The following PCDHGB5 variants were observed in gnomAD, a reference collection of about 807,000 sequenced individuals.
PCDHGB5 encodes the protein protocadherin gamma subfamily B, 5.
Under a neutral mutation model 62.9 loss-of-function variants are expected in PCDHGB5, and 48 were observed. That is an observed-to-expected ratio of 0.76 (90% confidence interval 0.61 to 0.97). The LOEUF (loss-of-function observed/expected upper bound fraction) is 0.97, where lower values mean the gene tolerates loss of function less well. Ranked by LOEUF, PCDHGB5 falls within the 50% of genes least tolerant of loss-of-function variation. The pLI is 0.00. For synonymous variants in PCDHGB5, 474 were observed against 511.2 expected, an observed-to-expected ratio of 0.93 and a Z score of 0.98; for missense variants, 1,118 against 1,198.6, an observed-to-expected ratio of 0.93 and a Z score of 0.99.
chr5:141,478,521 G>A, intron 1 of PCDHGB5: 1 of 1,610,618 alleles, frequency 6.2e-7, no homozygotes, highest in Non-Finnish European at 8.5e-7. Context: ...CAGGTGTTGG[G>A]TGCAGAGAGC....
chr5:141,405,901 G>A (rs954255473), intron 1 of PCDHGB5, among the ~76,000 whole-genome samples: 1 of 152,092 alleles, frequency 6.6e-6, no homozygotes, highest in Non-Finnish European at 1.5e-5. Context: ...ACTGAAAGGA[G>A]GCATTTATTA....
At chr5:141,483,186 A>G (rs2099578047) in intron 1 of PCDHGB5, among the ~76,000 whole-genome samples, 1 of 152,174 alleles carries the variant, frequency 6.6e-6, no homozygotes, top group Non-Finnish European at 1.5e-5. Flanking sequence ...CAAGCCAAGG[A>G]GTTTTTATTT....
chr5:141,413,785 C>T (rs771027783), intron 1 of PCDHGB5: 1 of 1,613,186 alleles, frequency 6.2e-7, no homozygotes, highest in Non-Finnish European at 8.5e-7. Flanking sequence ...GGAGCACTCC[C>T]TAGATCGCGA....
rs1304936728 is a variant in PCDHGB5, at chr5:141,399,830, C to G, written c.1703C>G (p.Ser568Cys). The G allele has an allele frequency of 6.2e-7, 1 of 1,613,192 alleles. No individual in the cohort carries two copies. ...TACCCCGCGCTGGGTCCCGACGGCT[C>G]TGCGCTCTTCGATATGGTGCCGCGC... ...VLYPALGPDG[S>C]ALFDMVPRAA... The change falls in exon 1 of 4, where the codon TCT becomes TGT. Residue 568 changes from serine to cysteine, a missense_variant. Physicochemically the swap from Ser to Cys is moderately radical, Grantham distance 112. Coordinates refer to ENST00000617380, the MANE Select transcript of PCDHGB5 (RefSeq NM_018925.3).
Position 141,421,742 on chromosome 5 carries a change from A to G in PCDHGB5, c.2397+21218A>G, listed in dbSNP as rs772984365. The stretch of plus-strand genomic sequence containing the variant: ...GGCGTGAACTCCCTCCAGAGCTACC[A>G]GCTCAGCCCTAATAATTACTTTTCC... On this transcript the variant is annotated intron_variant, in intron 1 of 3. Transcript: ENST00000617380. The G allele has an allele frequency of 4.3e-6, 7 of 1,613,826 alleles. No individual in the cohort carries two copies. The East Asian group carries it at 1.3e-4, about 31-fold the overall frequency.
intron 1 of PCDHGB5, chr5:141,440,405 CCACTG>C (rs2098176019): frequency 6.6e-6 from 1 of 152,126 alleles, no homozygotes; most frequent in South Asian, 2.1e-4. Flanking sequence ...GGCAATCGCA[CCACTG>C]CACTCCAGCC....
chr5:141,435,591 T>G (rs1197622032), intron 1 of PCDHGB5, among the ~76,000 whole-genome samples: 1 of 152,206 alleles, frequency 6.6e-6, no homozygotes, highest in Admixed American at 6.5e-5. Flanking sequence ...TGCAGTAATA[T>G]CGCCTGCTTT....
chr5:141,433,671 A>G (rs1376085577), intron 1 of PCDHGB5, among the ~76,000 whole-genome samples: 12 of 152,058 alleles, frequency 7.9e-5, no homozygotes, highest in Admixed American at 7.2e-4. Flanking sequence ...CCCCGTCTAT[A>G]CTAAAAAAAT....
chr5:141,402,897 C>T (rs1177256058), intron 1 of PCDHGB5: 6 of 1,508,528 alleles, frequency 4.0e-6, no homozygotes, highest in Admixed American at 4.7e-5. Flanking sequence ...AAGAAAGAAC[C>T]TGATGAAGCA....
intron 1 of PCDHGB5, among the ~76,000 whole-genome samples, chr5:141,407,652 A>G (rs2094964200): frequency 6.6e-6 from 1 of 152,020 alleles, no homozygotes; most frequent in Non-Finnish European, 1.5e-5. Flanking sequence ...ATAATGGGGG[A>G]GCGCAGTATA....
intron 1 of PCDHGB5, among the ~76,000 whole-genome samples, chr5:141,481,789 T>TAAAAATAC (rs972511310): frequency 3.3e-5 from 5 of 151,186 alleles, no homozygotes; most frequent in African/African-American, 1.2e-4. Flanking sequence ...CCGTCTCTAC[T>TAAAAATAC]AAAAATACAA....
At position 141,485,326 on chromosome 5, in the gene PCDHGB5, T is replaced by C. The variant is rs2154580391; in HGVS notation, c.2398-9481T>C. On this transcript the variant is annotated intron_variant, in intron 1 of 3. Coordinates refer to ENST00000617380, the MANE Select transcript of PCDHGB5 (RefSeq NM_018925.3). This position sits in a 1 kb window ranked among gnomAD's most constrained non-coding sequence, Gnocchi z 5.7. ...CTTTTGTAGGGAATGTCGCTCAAGATTTCCTGCTGGATACGGACAGTCTGT... is the reference window on the plus strand; with the variant it reads ...CTTTTGTAGGGAATGTCGCTCAAGACTTCCTGCTGGATACGGACAGTCTGT... 1 of 1,614,106 alleles carries C rather than the reference T, an allele frequency of 6.2e-7. No homozygotes were observed. The highest frequency in any genetic ancestry group is 1.7e-5 in the Admixed American group (1 of 60,028).
Position 141,476,702 on chromosome 5 carries a change from C to CTGG in PCDHGB5, c.2398-18102_2398-18100dup, listed in dbSNP as rs1562056101. On this transcript the variant is annotated intron_variant, in intron 1 of 3. Coordinates refer to ENST00000617380, the MANE Select transcript of PCDHGB5 (RefSeq NM_018925.3). This position sits in a 1 kb window ranked among gnomAD's most constrained non-coding sequence, Gnocchi z 7.6. ...GGAGGACAGCACCAAGTACGCGGAG[C>CTGG]TGGTGTTGGAGCGCGCCCTGGACCG... 5 of 1,614,222 alleles carry CTGG rather than the reference C, an allele frequency of 3.1e-6. No homozygotes were observed. The highest frequency in any genetic ancestry group is 4.2e-6 in the Non-Finnish European group (5 of 1,180,042).
At chr5:141,484,958 G>T in intron 1 of PCDHGB5, 1 of 575,874 alleles carries the variant, frequency 1.7e-6, no homozygotes. Flanking sequence ...TATTGGCTGA[G>T]CCCGGGAGCC....
chr5:141,449,300 T>C (rs2098635283), intron 1 of PCDHGB5, among the ~76,000 whole-genome samples: 1 of 152,090 alleles, frequency 6.6e-6, no homozygotes, highest in Non-Finnish European at 1.5e-5. Flanking sequence ...GGGTGAATTA[T>C]ATGTATTATA....
intron 1 of PCDHGB5, chr5:141,421,455 C>G (rs762490406): frequency 6.2e-6 from 10 of 1,614,108 alleles, no homozygotes; most frequent in South Asian, 1.1e-5. Flanking sequence ...CACAGCTTTT[C>G]GCTGTGAATC....
chr5:141,430,583 C>A, intron 1 of PCDHGB5: 1 of 490,378 alleles, frequency 2.0e-6, no homozygotes, highest in Non-Finnish European at 3.4e-6. Flanking sequence ...AGATCCTGCT[C>A]GCCTTGCACG....
intron 1 of PCDHGB5, among the ~76,000 whole-genome samples, chr5:141,471,913 G>A (rs1307168228): frequency 6.6e-6 from 1 of 152,164 alleles, no homozygotes. Context: ...CAAGCATGAG[G>A]GAAATTTTGG....
chr5:141,498,273 A>G (rs1595516143), intron 2 of PCDHGB5, among the ~76,000 whole-genome samples: 1 of 152,038 alleles, frequency 6.6e-6, no homozygotes, highest in East Asian at 1.9e-4. Flanking sequence ...TCTTCAGTAA[A>G]CTTGGTTCAA....
Sources: allele counts gnomAD v4.1 joint callset (sites outside exome capture counted in the v4.1 genomes callset), GRCh38; gene constraint gnomAD v4.1.1; non-coding constraint Gnocchi (gnomAD v3.1); transcripts MANE v1.5; gene names NCBI Gene and HGNC (gene_info 2026-07-23, HGNC 2026-07-21).